PCDH17: variants seen among roughly 807,000 people sequenced by gnomAD.
PCDH17 encodes the protein protocadherin-17.
PCDH17 carries 21 observed loss-of-function variants against 67.7 expected under a neutral mutation model. That is an observed-to-expected ratio of 0.31 (90% confidence interval 0.22 to 0.45). PCDH17 has a LOEUF of 0.45. PCDH17 is among the 20% of genes least tolerant of loss of function. PCDH17 has a pLI of 1.00. For missense variants in PCDH17, 1,471 were observed against 1,564.8 expected, an observed-to-expected ratio of 0.94 and a Z score of 1.01; for synonymous variants, 701 against 656.7, an observed-to-expected ratio of 1.07 and a Z score of -1.03.
At chr13:57,718,756 A>T (rs1955846398) in intron 3 of PCDH17, among the ~76,000 whole-genome samples, 1 of 151,960 alleles carries the variant, frequency 6.6e-6, no homozygotes, top group Non-Finnish European at 1.5e-5. Flanking sequence ...TTTAGCATTG[A>T]TGTTTTCTCT....
chr13:57,690,048 A>G (rs1955544240), intron 3 of PCDH17, among the ~76,000 whole-genome samples: 1 of 151,864 alleles, frequency 6.6e-6, no homozygotes, highest in Non-Finnish European at 1.5e-5. Flanking sequence ...ATAGGAAGTT[A>G]AAGTAAAATT....
chr13:57,702,107 G>A (rs575531807), intron 3 of PCDH17, among the ~76,000 whole-genome samples: 6 of 152,034 alleles, frequency 3.9e-5, no homozygotes, highest in South Asian at 2.1e-4. Flanking sequence ...TAGTAGAGAC[G>A]GGGTTTCATC....
intron 3 of PCDH17, among the ~76,000 whole-genome samples, chr13:57,687,797 A>G (rs1350673157): frequency 6.6e-6 from 1 of 152,094 alleles, no homozygotes; most frequent in African/African-American, 2.4e-5. Flanking sequence ...AAATTCTTCT[A>G]TAATGATGTG....
intron 3 of PCDH17, among the ~76,000 whole-genome samples, chr13:57,713,380 A>G (rs923188938): frequency 2.0e-5 from 3 of 151,784 alleles, no homozygotes; most frequent in Non-Finnish European, 4.4e-5. Context: ...CAATAAATTT[A>G]TAGCACAGTT....
chr13:57,655,899 T>C (rs555808964), intron 1 of PCDH17, among the ~76,000 whole-genome samples: 1 of 152,226 alleles, frequency 6.6e-6, no homozygotes, highest in East Asian at 1.9e-4. Context: ...TTACATTAAT[T>C]TCTCATCAAC....
chr13:57,668,443 G>A (rs980367726), intron 3 of PCDH17, among the ~76,000 whole-genome samples: 1 of 151,942 alleles, frequency 6.6e-6, no homozygotes, highest in Non-Finnish European at 1.5e-5. Flanking sequence ...ACAGCAACAA[G>A]AAAAAACTGC....
intron 3 of PCDH17, among the ~76,000 whole-genome samples, chr13:57,674,355 C>G (rs1030499555): frequency 7.9e-5 from 12 of 151,786 alleles, no homozygotes; most frequent in East Asian, 5.8e-4. Context: ...GAGACAGGGT[C>G]TCGTTCTGTT....
rs1211049289 is a variant in PCDH17 at position 57,652,080 on chromosome 13, C to G, written c.2566-14388C>G. Among the ~76,000 whole-genome samples the G allele has an allele frequency of 2.0e-5, 3 of 151,700 alleles. No homozygotes were observed. The East Asian group carries it at 5.8e-4, about 29-fold the overall frequency. On this transcript the variant is annotated intron_variant, in intron 1 of 3. Coordinates refer to ENST00000377918, the MANE Select transcript of PCDH17 (RefSeq NM_001040429.3). ...GATCATGAGGTCAGGAGATCGAGAC[C>G]ATCCTGGCTAACAAGGTGAAACCCC...
At chr13:57,683,520 G>A (rs1955478039) in intron 3 of PCDH17, among the ~76,000 whole-genome samples, 1 of 151,814 alleles carries the variant, frequency 6.6e-6, no homozygotes, top group Admixed American at 6.6e-5. Flanking sequence ...CTTAGGTTAG[G>A]TTTTGATTGC....
chr13:57,665,384 A>T (rs576317507), intron 1 of PCDH17, among the ~76,000 whole-genome samples: 2 of 152,228 alleles, frequency 1.3e-5, no homozygotes, highest in African/African-American at 2.4e-5. Flanking sequence ...GGAAGAAGAA[A>T]AAAAGAATAT....
intron 3 of PCDH17, among the ~76,000 whole-genome samples, chr13:57,686,474 G>A (rs150712369): frequency 2.0e-5 from 3 of 151,986 alleles, no homozygotes; most frequent in Middle Eastern, 3.4e-3. Context: ...ACAAATTGTA[G>A]GAGAGCAAAG....
At chr13:57,649,532 TAC>T (rs1955009918) in intron 1 of PCDH17, among the ~76,000 whole-genome samples, 1 of 152,216 alleles carries the variant, frequency 6.6e-6, no homozygotes, top group African/African-American at 2.4e-5. Flanking sequence ...CTCTGCTCTT[TAC>T]AAATATCCCT....
chr13:57,677,797 C>A (rs1485567619), intron 3 of PCDH17, among the ~76,000 whole-genome samples: 1 of 151,736 alleles, frequency 6.6e-6, no homozygotes, highest in East Asian at 1.9e-4. Context: ...TATCGTGGCA[C>A]AGAAACTCAA....
chr13:57,641,142 G>A (rs9527676), intron 1 of PCDH17, among the ~76,000 whole-genome samples: 91,415 of 151,518 alleles, frequency 0.6, 28,292 homozygotes, highest in South Asian at 0.75. Context: ...TTTAAACTTC[G>A]TCAGACCTGC....
At chr13:57,662,924 A>G (rs1238847972) in intron 1 of PCDH17, among the ~76,000 whole-genome samples, 1 of 152,096 alleles carries the variant, frequency 6.6e-6, no homozygotes, top group Non-Finnish European at 1.5e-5. Flanking sequence ...AAGAATATCT[A>G]ATTTTTTATT....
upstream of PCDH17, among the ~76,000 whole-genome samples, chr13:57,630,368 C>A (rs1343967144): frequency 7.0e-6 from 1 of 142,150 alleles, no homozygotes; most frequent in Non-Finnish European, 1.5e-5. Context: ...AAAAAAAAAA[C>A]CTCCACAACA....
At chr13:57,658,645 T>C (rs1360431679) in intron 1 of PCDH17, among the ~76,000 whole-genome samples, 1 of 152,188 alleles carries the variant, frequency 6.6e-6, no homozygotes, top group Admixed American at 6.5e-5. Context: ...TAAATGTACA[T>C]CTGTGAAATG....
rs757186788 is a variant in PCDH17, at chr13:57,632,545, G to C, written c.-2G>C. ...CTCCTGCCCCCACCTTACAGGTCTGGGATGTACCTTTCCATCTGTTGCTGC... is the reference window on the plus strand; with the variant it reads ...CTCCTGCCCCCACCTTACAGGTCTGCGATGTACCTTTCCATCTGTTGCTGC... On this transcript the variant is annotated 5_prime_UTR_variant, in exon 1 of 4. Coordinates refer to ENST00000377918, the MANE Select transcript of PCDH17 (RefSeq NM_001040429.3). 6.2e-7 allele frequency: 1 copy of C among 1,612,714 alleles called. No individual in the cohort carries two copies. The highest frequency in any genetic ancestry group is 1.1e-5 in the South Asian group (1 of 90,908).
chr13:57,692,926 TAA>T (rs1227238022), intron 3 of PCDH17, among the ~76,000 whole-genome samples: 1 of 151,110 alleles, frequency 6.6e-6, no homozygotes, highest in East Asian at 1.9e-4. Context: ...GTTTTAGAAT[TAA>T]GTTATTGTAT....
Sources: gnomAD v4.1 joint callset for allele counts (sites outside exome capture counted in the v4.1 genomes callset) on GRCh38, gnomAD v4.1.1 for gene constraint, MANE v1.5 for transcripts, NCBI Gene and HGNC (gene_info 2026-07-23, HGNC 2026-07-21) for gene names.